JAKMIP3: variants seen among roughly 807,000 people sequenced by gnomAD.
JAKMIP3 encodes janus kinase and microtubule-interacting protein 3.
Under a neutral mutation model 118.5 loss-of-function variants are expected in JAKMIP3, and 58 were observed. That is an observed-to-expected ratio of 0.49 (90% CI 0.40 to 0.61). The LOEUF is 0.61. Among genes scored for constraint, JAKMIP3 ranks in the 20% least tolerant of loss-of-function variants. The probability of loss-of-function intolerance (pLI) is 0.00; values close to 1 mark genes in which losing one functional copy is unlikely to be tolerated. For missense variants in JAKMIP3, 950 were observed against 1,109.0 expected, an observed-to-expected ratio of 0.86 and a Z score of 2.04; for synonymous variants, 486 against 451.2, an observed-to-expected ratio of 1.08 and a Z score of -0.98.
intron 23 of JAKMIP3, among the ~76,000 whole-genome samples, chr10:132,173,608 T>A (rs2059841012): frequency 6.6e-6 from 1 of 152,216 alleles, no homozygotes; most frequent in East Asian, 1.9e-4. Flanking sequence ...ACAGCTGATA[T>A]TTCATTCATG....
At chr10:132,146,209 A>T (rs2054581891) in intron 13 of JAKMIP3, among the ~76,000 whole-genome samples, 1 of 147,730 alleles carries the variant, frequency 6.8e-6, no homozygotes, top group African/African-American at 2.5e-5. Context: ...AGATCAGAAC[A>T]TGCGATGTGT....
At chr10:132,081,022 T>C (rs1039671651) in intron 1 of JAKMIP3, among the ~76,000 whole-genome samples, 3 of 152,228 alleles carry the variant, frequency 2.0e-5, no homozygotes, top group Admixed American at 2.0e-4. Flanking sequence ...CAAGAGATCA[T>C]CCCCTAAGTG....
At chr10:132,125,552 T>C (rs916951254) in intron 3 of JAKMIP3, among the ~76,000 whole-genome samples, 1 of 152,246 alleles carries the variant, frequency 6.6e-6, no homozygotes, top group Non-Finnish European at 1.5e-5. Context: ...ACCGCTTTTC[T>C]GTATGAAACT....
chr10:132,180,748 C>CGTGT (rs1389047093), intron 23 of JAKMIP3, among the ~76,000 whole-genome samples: 330 of 8,304 alleles, frequency 0.04, 65 homozygotes, highest in East Asian at 0.071. Flanking sequence ...CGTGCGTGCG[C>CGTGT]GCGCGTGTGT....
At chr10:132,159,429 G>A in intron 19 of JAKMIP3, among the ~76,000 whole-genome samples, 1 of 101,898 alleles carries the variant, frequency 9.8e-6, no homozygotes. Context: ...GGATGCCGGG[G>A]GTGTGTTTTT....
At chr10:132,107,872 T>G (rs1219824911) in intron 2 of JAKMIP3, among the ~76,000 whole-genome samples, 1 of 152,250 alleles carries the variant, frequency 6.6e-6, no homozygotes, top group Non-Finnish European at 1.5e-5. Flanking sequence ...GAGACGTTCT[T>G]GCAAGCCAAA....
intron 23 of JAKMIP3, among the ~76,000 whole-genome samples, chr10:132,173,497 G>A (rs1033587492): frequency 6.6e-6 from 1 of 151,962 alleles, no homozygotes; most frequent in Non-Finnish European, 1.5e-5. Flanking sequence ...CAGCCTCACG[G>A]TGTCCACACA....
chr10:132,053,448 G>A (rs2038151307), intron 1 of JAKMIP3, among the ~76,000 whole-genome samples: 1 of 152,234 alleles, frequency 6.6e-6, no homozygotes, highest in African/African-American at 2.4e-5. Context: ...TCCCCACAAG[G>A]TGATGGAACA....
At chr10:132,137,564 G>C (rs2052073400) in intron 8 of JAKMIP3, among the ~76,000 whole-genome samples, 4 of 152,186 alleles carry the variant, frequency 2.6e-5, no homozygotes, top group Admixed American at 2.6e-4. Context: ...TAATGGCCAG[G>C]GTCAGACGGC....
intron 1 of JAKMIP3, among the ~76,000 whole-genome samples, chr10:132,071,402 C>T (rs555045458): frequency 1.3e-5 from 2 of 152,220 alleles, no homozygotes; most frequent in South Asian, 2.1e-4. Flanking sequence ...GGTGGTATAT[C>T]CCACAAATGC....
At position 132,153,029 on chromosome 10, in the gene JAKMIP3, A is replaced by G; in HGVS notation, c.2073+6A>G. On this transcript the variant is annotated splice_donor_region_variant and intron_variant, in intron 17 of 23. Coordinates refer to ENST00000684848, the MANE Select transcript of JAKMIP3 (RefSeq NM_001323087.2). ...TCCTGACCTTGGCCGAAAAGGTAAC[A>G]GCAGCTGTGTGGACAGTCGGGAGAG... 1.9e-6 allele frequency: 3 copies of G among 1,604,638 alleles called. No homozygotes were observed. The highest frequency in any genetic ancestry group is 2.6e-6 in the Non-Finnish European group (3 of 1,175,520).
intron 14 of JAKMIP3, among the ~76,000 whole-genome samples, chr10:132,148,417 C>A (rs1471154738): frequency 6.6e-6 from 1 of 152,140 alleles, no homozygotes; most frequent in Non-Finnish European, 1.5e-5. Flanking sequence ...CTGCTCCAGA[C>A]CTGTGGGGTG....
At chr10:132,092,089 C>T (rs1170685960) in intron 1 of JAKMIP3, among the ~76,000 whole-genome samples, 17 of 151,648 alleles carry the variant, frequency 1.1e-4, no homozygotes, top group Non-Finnish European at 2.5e-4. Context: ...ATGTTGAATA[C>T]TGGCCCCCAC....
chr10:132,072,253 A>G (rs904824190), intron 1 of JAKMIP3, among the ~76,000 whole-genome samples: 1 of 152,070 alleles, frequency 6.6e-6, no homozygotes, highest in African/African-American at 2.4e-5. Flanking sequence ...TCGCCTTTTT[A>G]AAACGTTTAG....
intron 1 of JAKMIP3, among the ~76,000 whole-genome samples, chr10:132,057,334 T>A (rs527936341): frequency 1.2e-3 from 178 of 152,270 alleles, no homozygotes; most frequent in Non-Finnish European, 2.1e-3. Context: ...GCATTGGGTG[T>A]GAGCTCCTTG....
chr10:132,122,755 A>AGCAGGGCTGCAAGGCTGCAC lies in JAKMIP3; in HGVS notation c.633+5182_633+5201dup. ...CTGCTGCCAGGGCAGGGCTGGGCAC[A>AGCAGGGCTGCAAGGCTGCAC]GCAGGGCTGCAAGGCTGCACTCAGG... On this transcript the variant is annotated intron_variant, in intron 3 of 23. Coordinates refer to ENST00000684848, the MANE Select transcript of JAKMIP3 (RefSeq NM_001323087.2). Among the ~76,000 whole-genome samples the AGCAGGGCTGCAAGGCTGCAC allele has an allele frequency of 2.0e-5, 3 of 152,322 alleles. No individual in the cohort carries two copies. In the South Asian group the frequency reaches 6.2e-4, roughly 32 times the overall value.
At chr10:132,111,681 C>T (rs192735637) in intron 2 of JAKMIP3, among the ~76,000 whole-genome samples, 233 of 152,314 alleles carry the variant, frequency 1.5e-3, no homozygotes, top group African/African-American at 5.4e-3. Context: ...CATGGCGAGG[C>T]AAGGAGCTTG....
At chr10:132,063,200 TG>T (rs2038463811), upstream of JAKMIP3, among the ~76,000 whole-genome samples, 1 of 152,140 alleles carries the variant, frequency 6.6e-6, no homozygotes, top group African/African-American at 2.4e-5. Context: ...GGATCAGACT[TG>T]GGCCTCGTGG....
At chr10:132,160,450 G>C (rs866669256) in intron 19 of JAKMIP3, among the ~76,000 whole-genome samples, 75 of 36,010 alleles carry the variant, frequency 2.1e-3, no homozygotes, top group Non-Finnish European at 2.7e-3. Context: ...ATGCTGGGGG[G>C]GTCTCTTCCT....
Sources: gnomAD v4.1 joint callset for allele counts (sites outside exome capture counted in the v4.1 genomes callset) on GRCh38, gnomAD v4.1.1 for gene constraint, MANE v1.5 for transcripts, NCBI Gene and HGNC (gene_info 2026-07-23, HGNC 2026-07-21) for gene names.